The following EPHA5 variants were observed in gnomAD, a reference collection of about 807,000 sequenced individuals.
The protein encoded by EPHA5 is ephrin type-A receptor 5.
In EPHA5, 60 loss-of-function variants were observed where a neutral mutation model predicts 105.0. The observed-to-expected ratio is 0.57, with a 90% confidence interval of 0.46 to 0.71. The LOEUF (loss-of-function observed/expected upper bound fraction) is 0.71. Ranked by LOEUF, EPHA5 falls within the 30% of genes least tolerant of loss-of-function variation. EPHA5 has a pLI of 0.00. For synonymous variants in EPHA5, 513 were observed against 449.1 expected, an observed-to-expected ratio of 1.14 and a Z score of -1.80; for missense variants, 1,218 against 1,274.7, an observed-to-expected ratio of 0.96 and a Z score of 0.68.
chr4:65,373,981 T>C (rs913113147), intron 8 of EPHA5, among the ~76,000 whole-genome samples: 2 of 151,962 alleles, frequency 1.3e-5, no homozygotes, highest in Non-Finnish European at 2.9e-5. Context: ...GCTATAAATA[T>C]ACATTGGTTT....
At chr4:65,546,127 T>C (rs1737347585) in intron 3 of EPHA5, among the ~76,000 whole-genome samples, 1 of 151,994 alleles carries the variant, frequency 6.6e-6, no homozygotes, top group Non-Finnish European at 1.5e-5. Context: ...CAAAGAACCA[T>C]ACTTTGGTGA....
intron 11 of EPHA5, among the ~76,000 whole-genome samples, chr4:65,355,360 A>G (rs1038664829): frequency 4.0e-5 from 6 of 151,710 alleles, no homozygotes; most frequent in African/African-American, 1.4e-4. Flanking sequence ...AAAAATTGAT[A>G]ATGAAATTTT....
chr4:65,515,830 C>A (rs1415857243), intron 3 of EPHA5, among the ~76,000 whole-genome samples: 2 of 152,092 alleles, frequency 1.3e-5, no homozygotes, highest in South Asian at 2.1e-4. Flanking sequence ...AAGCATCACC[C>A]TTGCCAATGT....
intron 1 of EPHA5, among the ~76,000 whole-genome samples, chr4:65,666,740 AGGG>A (rs1352334471): frequency 1.3e-5 from 2 of 152,222 alleles, no homozygotes; most frequent in Non-Finnish European, 2.9e-5. Context: ...TTTAGACTAA[AGGG>A]TAAATTTTCC....
chr4:65,559,548 G>A (rs1315202885), intron 3 of EPHA5, among the ~76,000 whole-genome samples: 2 of 152,096 alleles, frequency 1.3e-5, no homozygotes, highest in Non-Finnish European at 2.9e-5. Context: ...TGATGTCTCT[G>A]CAAAACAGTG....
rs1384648394 is a variant in EPHA5 at position 65,652,600 on chromosome 4, C to T, written c.182-9173G>A. Among the ~76,000 whole-genome samples, 4 of 152,202 alleles carry T rather than the reference C, an allele frequency of 2.6e-5. No homozygotes were observed. The East Asian group carries it at 5.8e-4, about 22-fold the overall frequency. The stretch of plus-strand genomic sequence containing the variant: ...CTTTCTCTTGTATCTATATCATACT[C>T]GCCCCAACGTTTGACTGGTGAAATA... On this transcript the variant is annotated intron_variant, in intron 1 of 16. Coordinates refer to ENST00000613740, the MANE Select transcript of EPHA5 (RefSeq NM_001281766.3).
At chr4:65,416,116 T>G (rs903177821) in intron 6 of EPHA5, among the ~76,000 whole-genome samples, 1 of 152,090 alleles carries the variant, frequency 6.6e-6, no homozygotes, top group African/African-American at 2.4e-5. Context: ...TTTGCTGATA[T>G]TTGTTTAAAG....
intron 3 of EPHA5, among the ~76,000 whole-genome samples, chr4:65,540,205 A>C (rs1473705629): frequency 6.6e-6 from 1 of 151,638 alleles, no homozygotes; most frequent in African/African-American, 2.4e-5. Flanking sequence ...GACCAAAGGA[A>C]ATATTCCTAA....
chr4:65,495,723 C>T (rs1287415011), intron 3 of EPHA5, among the ~76,000 whole-genome samples, 180 bp from the exon 4 acceptor site: 1 of 152,030 alleles, frequency 6.6e-6, no homozygotes, highest in South Asian at 2.1e-4. Context: ...TTCAAATAAT[C>T]AAATATTTAT....
chr4:65,486,274 C>A (rs989741720), intron 5 of EPHA5, among the ~76,000 whole-genome samples: 3 of 151,586 alleles, frequency 2.0e-5, no homozygotes, highest in Admixed American at 1.3e-4. Context: ...CACCCCCCCA[C>A]CCCCATTTCC....
intron 2 of EPHA5, among the ~76,000 whole-genome samples, chr4:65,612,051 A>C (rs149539134): frequency 8.2e-6 from 1 of 122,682 alleles, no homozygotes; most frequent in Non-Finnish European, 1.7e-5. Flanking sequence ...GAAAGAAAAG[A>C]AAAGAAAAGA....
At chr4:65,538,475 G>T (rs139749762) in intron 3 of EPHA5, among the ~76,000 whole-genome samples, 1 of 151,728 alleles carries the variant, frequency 6.6e-6, no homozygotes, top group East Asian at 1.9e-4. Context: ...AAAAGTCATC[G>T]TGCCTTGCCC....
intron 14 of EPHA5, 151 bp downstream of exon 14, chr4:65,347,903 A>C (rs888571164): frequency 1.3e-6 from 1 of 756,358 alleles, no homozygotes; most frequent in African/African-American, 1.8e-5. Flanking sequence ...TGCTTAAAGG[A>C]TATTTCAACA....
intron 3 of EPHA5, among the ~76,000 whole-genome samples, chr4:65,514,282 G>A (rs1019561023): frequency 1.3e-5 from 2 of 152,062 alleles, no homozygotes; most frequent in Admixed American, 1.3e-4. Flanking sequence ...TCATCATTAG[G>A]TGAGATCCTC....
chr4:65,568,332 A>C (rs977067914), intron 3 of EPHA5, among the ~76,000 whole-genome samples: 2 of 151,488 alleles, frequency 1.3e-5, no homozygotes, highest in Admixed American at 6.6e-5. Context: ...ACACAATTCT[A>C]TCTCTCAAAA....
chr4:65,530,980 T>A (rs757349717), intron 3 of EPHA5, among the ~76,000 whole-genome samples: 3 of 152,016 alleles, frequency 2.0e-5, no homozygotes, highest in Non-Finnish European at 4.4e-5. Flanking sequence ...TAAAGGGTGC[T>A]GATTTAGCTG....
chr4:65,571,318 A>C (rs1006643305), intron 3 of EPHA5, among the ~76,000 whole-genome samples: 3 of 137,490 alleles, frequency 2.2e-5, no homozygotes, highest in Non-Finnish European at 4.8e-5. Flanking sequence ...GCTTGTTTAC[A>C]AGTAAAAAAA....
chr4:65,436,300 A>G (rs1225668707), intron 5 of EPHA5, among the ~76,000 whole-genome samples: 1 of 151,910 alleles, frequency 6.6e-6, no homozygotes, highest in African/African-American at 2.4e-5. Context: ...AAATGTTTCT[A>G]TGTTTCCTAA....
intron 5 of EPHA5, among the ~76,000 whole-genome samples, chr4:65,479,103 T>C (rs1209105157): frequency 7.2e-5 from 11 of 152,202 alleles, no homozygotes; most frequent in Admixed American, 7.2e-4. Context: ...TGCTACTGAG[T>C]AGATTATTGA....
Sources: gnomAD v4.1 joint callset for allele counts (sites outside exome capture counted in the v4.1 genomes callset) on GRCh38, gnomAD v4.1.1 for gene constraint, MANE v1.5 for transcripts, NCBI Gene and HGNC (gene_info 2026-07-23, HGNC 2026-07-21) for gene names.